CCSER1: variants seen among roughly 807,000 people sequenced by gnomAD.
CCSER1 encodes the protein coiled-coil serine rich protein 1, also known as serine-rich coiled-coil domain-containing protein 1.
A neutral mutation model predicts 82.0 loss-of-function variants in CCSER1; 41 were observed. The ratio of observed to expected loss-of-function variants is 0.50; its 90% confidence interval spans 0.39 to 0.65. The LOEUF is 0.65. Ranked by LOEUF, CCSER1 falls within the 30% of genes least tolerant of loss-of-function variation. The pLI is 0.00. For synonymous variants in CCSER1, 414 were observed against 383.9 expected (o/e 1.08, Z -0.92); for missense variants, 1,119 against 1,064.2 (o/e 1.05, Z -0.72).
chr4:91,540,922 T>A (rs1252994186), intron 10 of CCSER1, among the ~76,000 whole-genome samples: 3 of 152,144 alleles, frequency 2.0e-5, no homozygotes, highest in Non-Finnish European at 2.9e-5. Flanking sequence ...CTTTCCCCAA[T>A]ACCACACTGT....
rs375597648 is a variant in CCSER1, at chr4:91,433,583, C to T, written c.2218-164989C>T. On this transcript the variant is annotated intron_variant, in intron 10 of 10. Coordinates refer to ENST00000509176, the MANE Select transcript of CCSER1 (RefSeq NM_001145065.2). ...ATAGACATATGTTTGGATACATAAA[C>T]ATTTACCATGTGTTACAGTATTCTG... Among the ~76,000 whole-genome samples, 7 of 152,178 alleles carry T rather than the reference C, an allele frequency of 4.6e-5. No individual in the cohort carries two copies. The East Asian group carries it at 7.7e-4, about 17-fold the overall frequency.
intron 5 of CCSER1, among the ~76,000 whole-genome samples, chr4:90,525,386 T>C (rs1301943260): frequency 2.0e-5 from 3 of 152,138 alleles, no homozygotes; most frequent in Non-Finnish European, 4.4e-5. Flanking sequence ...TAAATTTAGA[T>C]TGCTTAAAGT....
chr4:90,491,943 A>G (rs990283602), intron 5 of CCSER1, among the ~76,000 whole-genome samples: 2 of 152,158 alleles, frequency 1.3e-5, no homozygotes, highest in Non-Finnish European at 2.9e-5. Flanking sequence ...GGATTTTTGC[A>G]TCGATGTTCA....
At chr4:91,587,994 A>G (rs67399603) in intron 10 of CCSER1, among the ~76,000 whole-genome samples, 4,809 of 151,688 alleles carry the variant, frequency 0.032, 110 homozygotes, top group Non-Finnish European at 0.044. Context: ...ATATTAATAA[A>G]ATGAAAATAA....
chr4:90,505,839 T>G (rs1770601944), intron 5 of CCSER1, among the ~76,000 whole-genome samples: 1 of 152,178 alleles, frequency 6.6e-6, no homozygotes, highest in South Asian at 2.1e-4. Flanking sequence ...CCAACTTCTT[T>G]ACCGCATCCT....
chr4:90,486,963 G>C (rs1357967371), intron 5 of CCSER1, among the ~76,000 whole-genome samples: 1 of 152,208 alleles, frequency 6.6e-6, no homozygotes, highest in African/African-American at 2.4e-5. Flanking sequence ...CCAGGCTGGA[G>C]TGCAAAGGCA....
At chr4:91,149,042 T>G (rs1310983390) in intron 10 of CCSER1, among the ~76,000 whole-genome samples, 2 of 152,186 alleles carry the variant, frequency 1.3e-5, no homozygotes, top group Non-Finnish European at 1.5e-5. Flanking sequence ...ATCTAGATCC[T>G]TGAGGAATTG....
intron 1 of CCSER1, among the ~76,000 whole-genome samples, chr4:90,296,699 C>G (rs1446770249): frequency 6.6e-6 from 1 of 152,150 alleles, no homozygotes; most frequent in African/African-American, 2.4e-5. Flanking sequence ...CCAGTTTCAG[C>G]TTTCTACATA....
intron 5 of CCSER1, among the ~76,000 whole-genome samples, chr4:90,499,979 A>C (rs1769611018): frequency 6.6e-6 from 1 of 152,300 alleles, no homozygotes. Context: ...AATTTTATAC[A>C]CTACATAAAA....
intron 5 of CCSER1, among the ~76,000 whole-genome samples, chr4:90,583,823 A>C (rs940255125): frequency 5.9e-5 from 9 of 152,168 alleles, no homozygotes; most frequent in Non-Finnish European, 1.3e-4. Flanking sequence ...TTCAAATATG[A>C]AAGGAGAGTC....
At chr4:91,510,271 C>T (rs1315918335) in intron 10 of CCSER1, among the ~76,000 whole-genome samples, 2 of 152,054 alleles carry the variant, frequency 1.3e-5, no homozygotes, top group Non-Finnish European at 2.9e-5. Flanking sequence ...GCCCTTAGCT[C>T]GATTCCCTAT....
At chr4:90,140,657 C>CTTT (rs34194245) in intron 1 of CCSER1, among the ~76,000 whole-genome samples, 20 of 63,644 alleles carry the variant, frequency 3.1e-4, no homozygotes, top group Admixed American at 3.9e-4. Flanking sequence ...TTTTGGTCTA[C>CTTT]TTTTTTTTTT....
At chr4:90,897,208 T>C (rs1462805990) in intron 8 of CCSER1, among the ~76,000 whole-genome samples, 2 of 152,004 alleles carry the variant, frequency 1.3e-5, no homozygotes, top group African/African-American at 4.8e-5. Flanking sequence ...TGCTAGTGTT[T>C]GGGTTTCAAG....
At chr4:91,289,557 A>G (rs578222916) in intron 10 of CCSER1, among the ~76,000 whole-genome samples, 5 of 152,204 alleles carry the variant, frequency 3.3e-5, no homozygotes, top group East Asian at 3.9e-4. Context: ...AAGCTCAGTA[A>G]CAGAGATGAG....
intron 10 of CCSER1, among the ~76,000 whole-genome samples, chr4:91,171,425 T>A (rs1429720141): frequency 1.3e-5 from 2 of 152,202 alleles, no homozygotes; most frequent in South Asian, 2.1e-4. Context: ...CCTAAATTAA[T>A]GCTGAAACTT....
chr4:90,690,751 T>C (rs1183255704), intron 6 of CCSER1, among the ~76,000 whole-genome samples: 1 of 152,032 alleles, frequency 6.6e-6, no homozygotes, highest in African/African-American at 2.4e-5. Context: ...TTTTTTTATG[T>C]CTCTCTTTAA....
intron 8 of CCSER1, among the ~76,000 whole-genome samples, chr4:90,917,146 C>T (rs140801232): frequency 0.04 from 6,062 of 152,100 alleles, 322 homozygotes; most frequent in African/African-American, 0.12. Flanking sequence ...ACCATTTGAC[C>T]CAGCCATCCC....
At chr4:91,090,398 A>G (rs1723824993) in intron 10 of CCSER1, among the ~76,000 whole-genome samples, 1 of 152,138 alleles carries the variant, frequency 6.6e-6, no homozygotes. Flanking sequence ...CAATTTTGGA[A>G]ATTTACTGAA....
At position 90,687,112 on chromosome 4, in the gene CCSER1, G is replaced by T. The variant is rs140473433; in HGVS notation, c.1933-36802G>T. The stretch of plus-strand genomic sequence containing the variant: ...ATTTACAATGACTAGAAGAAAAAGA[G>T]AAATAATTTATTTCCAGGTATCTTA... On this transcript the variant is annotated intron_variant, in intron 6 of 10. Coordinates refer to ENST00000509176, the MANE Select transcript of CCSER1 (RefSeq NM_001145065.2). Among the ~76,000 whole-genome samples, 756 of 152,206 alleles carry T rather than the reference G, an allele frequency of 5.0e-3. 10 individuals are homozygous for T. The highest frequency in any genetic ancestry group is 0.017 in the African/African-American group (720 of 41,532).
Sources: allele counts gnomAD v4.1 joint callset (sites outside exome capture counted in the v4.1 genomes callset), GRCh38; gene constraint gnomAD v4.1.1; transcripts MANE v1.5; gene names NCBI Gene and HGNC (gene_info 2026-07-23, HGNC 2026-07-21).